DNAH17: variants seen among roughly 807,000 people sequenced by gnomAD.
DNAH17 encodes dynein axonemal heavy chain 17, also known as axonemal beta dynein heavy chain 17.
In DNAH17, 376 loss-of-function variants were observed where a neutral mutation model predicts 485.6. The observed-to-expected ratio is 0.77, with a 90% CI of 0.71 to 0.84. The LOEUF is 0.84. Among genes scored for constraint, DNAH17 ranks in the 40% least tolerant of loss-of-function variants. The probability of loss-of-function intolerance (pLI) is 0.00; values close to 1 mark genes in which losing one functional copy is unlikely to be tolerated. For synonymous variants in DNAH17, 3,031 were observed against 2,405.9 expected (o/e 1.26, Z -7.60); for missense variants, 6,370 against 5,839.3 (o/e 1.09, Z -2.96).
At chr17:78,484,267 G>T (rs11871277) in intron 48 of DNAH17, among the ~76,000 whole-genome samples, 1 of 151,586 alleles carries the variant, frequency 6.6e-6, no homozygotes, top group African/African-American at 2.4e-5. Flanking sequence ...GGCACCCTCT[G>T]CCTCTGGCTC....
intron 18 of DNAH17, among the ~76,000 whole-genome samples, chr17:78,538,779 T>C (rs1428303661): frequency 6.6e-6 from 1 of 152,200 alleles, no homozygotes; most frequent in Admixed American, 6.5e-5. Context: ...GGTTACCAGC[T>C]GGCATCTGAG....
Position 78,510,525 on chromosome 17 carries a change from G to A in DNAH17, c.4114-19C>T, listed in dbSNP as rs867654. ...ATTTCACCTAAGGGAAAAAAATCCA[G>A]GCAGGATTCATTTCAGGTCATGTGC... On this transcript the variant is annotated intron_variant, in intron 26 of 80. Transcript: ENST00000389840. 0.61 allele frequency: 975,478 copies of A among 1,612,090 alleles called. 298,819 individuals carry two copies. Among genetic ancestry groups the A allele is most frequent in the African/African-American group, 0.7 (52,195 of 74,940 alleles).
chr17:78,455,562 AG>A, intron 63 of DNAH17, 81 bp downstream of exon 63: 1 of 1,101,972 alleles, frequency 9.1e-7, no homozygotes, highest in Non-Finnish European at 1.2e-6. Flanking sequence ...CCTGGCCTCA[AG>A]TAATCCGCCC....
chr17:78,492,868 T>TTTTTTTTTTTTTTTTTG, intron 41 of DNAH17, 103 bp from the exon 42 acceptor site: 1 of 988,066 alleles, frequency 1.0e-6, no homozygotes, highest in Non-Finnish European at 1.4e-6. Flanking sequence ...TTTTTTTTTT[T>TTTTTTTTTTTTTTTTTG]GAGATGGAGT....
chr17:78,456,372 C>T (rs2087802094), intron 62 of DNAH17, among the ~76,000 whole-genome samples: 1 of 152,154 alleles, frequency 6.6e-6, no homozygotes, highest in Non-Finnish European at 1.5e-5. Flanking sequence ...TGTGTTTCCT[C>T]TTCCCAAGTC....
intron 55 of DNAH17, among the ~76,000 whole-genome samples, chr17:78,467,174 G>C (rs1049600930): frequency 6.6e-6 from 1 of 152,224 alleles, no homozygotes. Context: ...AAGGGTCCCC[G>C]CTGGGCCCTG....
Position 78,468,720 on chromosome 17 carries a change from T to C in DNAH17, c.8675A>G (p.Asn2892Ser). 1 of 1,614,024 alleles carries C rather than the reference T, an allele frequency of 6.2e-7. No individual in the cohort carries two copies. Among genetic ancestry groups the C allele is most frequent in the Non-Finnish European group, 8.5e-7 (1 of 1,179,890 alleles). Residue 2892 changes from asparagine to serine, a missense_variant, in exon 55 of 81, where the codon AAC becomes AGC. Asn to Ser is a conservative substitution (Grantham distance 46). Transcript: ENST00000389840. ...TTGGGGTCGCATGGAGGAGATGATG[T>C]TCTCCACCTCGTCCTCCATAAACAG... is the stretch of plus-strand genomic sequence containing the variant. ...PGLFMEDEVE[N>S]IISSMRPQVK...
Position 78,532,742 on chromosome 17 carries a change from AGGGGCAGG to A in DNAH17, c.2860-14_2860-7del. The A allele has an allele frequency of 6.3e-7, 1 of 1,582,764 alleles. No homozygotes were observed. Among genetic ancestry groups the A allele is most frequent in the Non-Finnish European group, 8.6e-7 (1 of 1,162,450 alleles). On this transcript the variant is annotated splice_polypyrimidine_tract_variant and splice_region_variant and intron_variant, in intron 19 of 80. Transcript: ENST00000389840. ...GTGTTATCTTCCAGGTCCATCTGAA[AGGGGCAGG>A]GGAGAAGCAAAAAGGGGAGGTATGT...
chr17:78,492,805 C>G (rs916953535), intron 41 of DNAH17, 40 bp from the exon 42 acceptor site: 2 of 1,592,434 alleles, frequency 1.3e-6, no homozygotes, highest in East Asian at 2.3e-5. Flanking sequence ...ACTCCATGTT[C>G]CTGGCACATC....
chr17:78,446,173 CAAAAAAAAAA>C (rs1157464118), intron 69 of DNAH17, among the ~76,000 whole-genome samples: 682 of 57,434 alleles, frequency 0.012, 19 homozygotes, highest in African/African-American at 0.049. Context: ...GACTCTGTCT[CAAAAAAAAAA>C]AAAAAAAAAA....
intron 48 of DNAH17, among the ~76,000 whole-genome samples, chr17:78,483,376 T>A (rs2146633691): frequency 6.6e-6 from 1 of 152,320 alleles, no homozygotes; most frequent in Non-Finnish European, 1.5e-5. Flanking sequence ...ACGCCTGTAG[T>A]CCCAGCACTT....
rs538974855 is a variant in DNAH17, at chr17:78,475,317, C to T, written c.8472G>A (p.Gln2824=). 8.7e-6 allele frequency: 14 copies of T among 1,613,998 alleles called. No individual in the cohort carries two copies. In the South Asian group the frequency reaches 1.4e-4, roughly 16 times the overall value. Residue 2824 remains glutamine, a synonymous_variant, in exon 54 of 81, where the codon CAG becomes CAA. Transcript: ENST00000389840. ...AAYISGLDVF[Q]ITLKKGYGIP... ...TCCCGTAGCCCTTCTTGAGGGTGAT[C>T]TGAAACACGTCAAGCCCGCTGATGT... is the stretch of plus-strand genomic sequence containing the variant.
chr17:78,526,726 A>C lies in DNAH17; in HGVS notation c.3636T>G (p.His1212Gln). 1 of 1,607,652 alleles carries C rather than the reference A, an allele frequency of 6.2e-7. No homozygotes were observed. Among genetic ancestry groups the C allele is most frequent in the Non-Finnish European group, 8.5e-7 (1 of 1,175,348 alleles). ...CGCGCCTGAACCTCTCCCTGAACTC[A>C]TGTTGCTTGAGCTGCGAGAGAAGAG... ...RKCQQFELKQ[H>Q]EFRERFRREA... Residue 1212 changes from histidine (H) to glutamine (Q), a missense_variant, in exon 24 of 81, where the codon CAT (histidine) becomes CAG (glutamine). Coordinates refer to ENST00000389840, the MANE Select transcript of DNAH17 (RefSeq NM_173628.4).
chr17:78,461,717 G>GGAGAAACC lies in DNAH17; in HGVS notation c.9175-17_9175-10dup. 6.2e-7 allele frequency: 1 copy of GGAGAAACC among 1,606,962 alleles called. No homozygotes were observed. Reference sequence around the variant, plus strand: ...GCTTTCAAATCATCCACCTGGGGAAGGAGAAACCGAGAAACAGCAAGTGTG... The same window carrying GGAGAAACC: ...GCTTTCAAATCATCCACCTGGGGAAGGAGAAACCGAGAAACCGAGAAACAGCAAGTGTG... On this transcript the variant is annotated splice_polypyrimidine_tract_variant and intron_variant, in intron 57 of 80. Coordinates refer to ENST00000389840, the MANE Select transcript of DNAH17 (RefSeq NM_173628.4).
Position 78,445,415 on chromosome 17 carries a change from C to T in DNAH17, c.11334+143G>A, listed in dbSNP as rs1198210720. Reference sequence around the variant, plus strand: ...GCAGCCAGCCCATCTTGGTCTCCATCCCTATGTGCGGGGCCTCCTTGCTTT... The same window carrying T: ...GCAGCCAGCCCATCTTGGTCTCCATTCCTATGTGCGGGGCCTCCTTGCTTT... On this transcript the variant is annotated intron_variant, in intron 70 of 80. Transcript: ENST00000389840. The T allele has an allele frequency of 2.5e-6, 3 of 1,188,140 alleles. No homozygotes were observed. In the African/African-American group the frequency reaches 4.6e-5, roughly 18 times the overall value. The allele number at this position is 1,188,140 out of a possible 1,614,324, so 73.6% of individuals were successfully genotyped here.
At chr17:78,537,577 C>T in intron 18 of DNAH17, 96 bp from the exon 19 acceptor site, 1 of 1,320,500 alleles carries the variant, frequency 7.6e-7, no homozygotes, top group African/African-American at 1.5e-5. Context: ...ATCAATGTGT[C>T]ACTGCCTTCC....
chr17:78,525,896 G>A (rs915391599), intron 24 of DNAH17, among the ~76,000 whole-genome samples: 6 of 152,272 alleles, frequency 3.9e-5, no homozygotes, highest in South Asian at 2.1e-4. Context: ...CCAAAGAGCC[G>A]AAGCTCAGGG....
At chr17:78,517,178 G>A (rs1302881211) in intron 25 of DNAH17, among the ~76,000 whole-genome samples, 3 of 152,122 alleles carry the variant, frequency 2.0e-5, no homozygotes, top group Admixed American at 6.5e-5. Context: ...CAGTAGCTGG[G>A]ACTACAGGCA....
chr17:78,552,919 C>CA (rs749036254), intron 14 of DNAH17, 114 bp from the exon 15 acceptor site: 104 of 735,810 alleles, frequency 1.4e-4, no homozygotes, highest in Non-Finnish European at 2.4e-4. Flanking sequence ...TCTGTGTCCC[C>CA]ACTCAGGTCT....
Sources: gnomAD v4.1 joint callset for allele counts (sites outside exome capture counted in the v4.1 genomes callset) on GRCh38, gnomAD v4.1.1 for gene constraint, MANE v1.5 for transcripts, NCBI Gene and HGNC (gene_info 2026-07-23, HGNC 2026-07-21) for gene names.